Variants in GPRC5A observed in about 807,000 individuals in gnomAD.
GPRC5A encodes the protein retinoic acid-induced protein 3.
In GPRC5A, 19 loss-of-function variants were observed where a neutral mutation model predicts 22.5. The ratio of observed to expected loss-of-function variants is 0.85; its 90% CI spans 0.59 to 1.24. The LOEUF is 1.24. Among genes scored for constraint, GPRC5A ranks in the 50% most tolerant of loss-of-function variants. The probability of loss-of-function intolerance (pLI) is 0.00; values close to 1 mark genes in which losing one functional copy is unlikely to be tolerated. For synonymous variants in GPRC5A, 192 were observed against 184.5 expected (o/e 1.04, Z -0.33); for missense variants, 471 against 451.1 (o/e 1.04, Z -0.40).
chr12:12,900,923 A>AAAAAAAAAC lies in GPRC5A; in HGVS notation c.-7-7319_-7-7318insAAAAAAACA, dbSNP rs1555104732. 8.6e-4 allele frequency among the ~76,000 whole-genome samples: 95 copies of AAAAAAAAAC among 109,958 alleles called. 4 individuals carry two copies. The highest frequency in any genetic ancestry group is 1.2e-3 in the Non-Finnish European group (65 of 52,064). 72.1% of individuals were successfully genotyped at this position (109,958 alleles called of 152,430 possible). On this transcript the variant is annotated intron_variant, in intron 1 of 3. Coordinates refer to ENST00000014914, the MANE Select transcript of GPRC5A (RefSeq NM_003979.4). ...AAAAAAAAAAAAAAAACAAAAAAAAAACAACCCAGAAAAACCCAAAAAACA... is the reference window on the plus strand; with the variant it reads ...AAAAAAAAAAAAAAAACAAAAAAAAAAAAAAAAACACAACCCAGAAAAACCCAAAAAACA...
chr12:12,917,229 TGTGTGTGTGTGTGTGTGTGTGTGC>T lies in GPRC5A; in HGVS notation c.*4694_*4717del, dbSNP rs1337801136. On this transcript the variant is annotated 3_prime_UTR_variant, in exon 4 of 4. Coordinates refer to ENST00000014914, the MANE Select transcript of GPRC5A (RefSeq NM_003979.4). ...TGCTGGATCTGTGTGTGTGTGTGTG[TGTGTGTGTGTGTGTGTGTGTGTGC>T]GTGCGTGCGTGTATGTGCGCCTGAC... is the stretch of plus-strand genomic sequence containing the variant. The T allele has an allele frequency of 6.3e-4, 75 of 119,966 alleles. No homozygotes were observed. The highest frequency in any genetic ancestry group is 2.5e-3 in the African/African-American group (74 of 29,772). 7.4% of individuals were successfully genotyped at this position (119,966 alleles called of 1,614,324 possible). A position where few individuals can be genotyped will look rare whatever the true frequency, so the allele number is the denominator to read the frequency against.
chr12:12,905,383 T>G (rs560538900), intron 1 of GPRC5A, among the ~76,000 whole-genome samples: 43 of 152,282 alleles, frequency 2.8e-4, no homozygotes, highest in African/African-American at 1.0e-3. Flanking sequence ...TCTTTCCTGC[T>G]GCAACATAGT....
rs1452764913 is a variant in GPRC5A at position 12,903,043 on chromosome 12, G to A, written c.-7-5200G>A. ...TATCGCGCCATTGCACTCCAGCCTGGGCAACGGGAGTGAAACTCCGTCTCA... is the reference window on the plus strand; with the variant it reads ...TATCGCGCCATTGCACTCCAGCCTGAGCAACGGGAGTGAAACTCCGTCTCA... On this transcript the variant is annotated intron_variant, in intron 1 of 3. Transcript: ENST00000014914. Among the ~76,000 whole-genome samples the A allele has an allele frequency of 2.0e-5, 3 of 152,018 alleles. No homozygotes were observed. The East Asian group carries it at 5.8e-4, about 29-fold the overall frequency.
At chr12:12,905,939 TA>T (rs2136459938) in intron 1 of GPRC5A, among the ~76,000 whole-genome samples, 1 of 151,886 alleles carries the variant, frequency 6.6e-6, no homozygotes, top group South Asian at 2.1e-4. Context: ...GGGGCTGAAC[TA>T]GGAGAGTGGA....
Position 12,912,955 on chromosome 12 carries a change from G to A in GPRC5A, c.*416G>A, listed in dbSNP as rs561674825. On this transcript the variant is annotated 3_prime_UTR_variant, in exon 4 of 4. Transcript: ENST00000014914. ...TCCCATCTCCATCTCCCAAAGTGCT[G>A]GGATGACAGGCGTGAGCCACAGCTC... 67 of 165,150 alleles carry A rather than the reference G, an allele frequency of 4.1e-4. No homozygotes were observed. The highest frequency in any genetic ancestry group is 6.7e-4 in the Non-Finnish European group (51 of 76,640). The allele number at this position is 165,150 out of a possible 1,614,324, so 10.2% of individuals were successfully genotyped here. A position where few individuals can be genotyped will look rare whatever the true frequency, so the allele number is the denominator to read the frequency against.
At chr12:12,892,941 G>T (rs568768153) in intron 1 of GPRC5A, among the ~76,000 whole-genome samples, 1 of 152,314 alleles carries the variant, frequency 6.6e-6, no homozygotes, top group Non-Finnish European at 1.5e-5. Flanking sequence ...CTCCAGGTTT[G>T]CATGCCGGTG....
Position 12,908,422 on chromosome 12 carries a change from A to G in GPRC5A, c.173A>G (p.Asp58Gly), listed in dbSNP as rs137934368. The change falls in exon 2 of 4, where the codon GAC becomes GGC. Residue 58 changes from aspartate to glycine, a missense_variant. Coordinates refer to ENST00000014914, the MANE Select transcript of GPRC5A (RefSeq NM_003979.4). ...TLPILVCKVQ[D>G]SNRRKMLPTQ... ...CCGATCCTCGTCTGCAAGGTGCAGG[A>G]CTCCAACAGGCGAAAAATGCTGCCT... 289 of 1,613,888 alleles carry G rather than the reference A, an allele frequency of 1.8e-4. No individual in the cohort carries two copies. Among genetic ancestry groups the G allele is most frequent in the Middle Eastern group, 1.5e-3 (9 of 6,062 alleles).
Position 12,908,870 on chromosome 12 carries a change from G to A in GPRC5A, c.621G>A (p.Lys207=). 2 of 1,614,184 alleles carry A rather than the reference G, an allele frequency of 1.2e-6. No individual in the cohort carries two copies. The highest frequency in any genetic ancestry group is 1.1e-5 in the South Asian group (1 of 91,084). ...TCTGTGGTTCCTTCACGGGCTGGAA[G>A]AGACATGGGGCCCACATCTACCTCA... ...FTFCGSFTGW[K]RHGAHIYLTM... Residue 207 remains lysine, a synonymous_variant, in exon 2 of 4, where the codon AAG becomes AAA. Transcript: ENST00000014914.
Position 12,914,351 on chromosome 12 carries a change from T to TTTGGTTGGTA in GPRC5A, c.*1812_*1813insTTGGTTGGTA, listed in dbSNP as rs1864035973. ...GGTAGGCTTCGCGCTAAGATTAGCC[T>TTTGGTTGGTA]GGCTTTGTACTGAAAAGGGGGAAGG... On this transcript the variant is annotated 3_prime_UTR_variant, in exon 4 of 4. Coordinates refer to ENST00000014914, the MANE Select transcript of GPRC5A (RefSeq NM_003979.4). 1 of 152,600 alleles carries TTTGGTTGGTA rather than the reference T, an allele frequency of 6.6e-6. No homozygotes were observed. Among genetic ancestry groups the TTTGGTTGGTA allele is most frequent in the Non-Finnish European group, 1.5e-5 (1 of 68,044 alleles). 9.5% of individuals were successfully genotyped at this position (152,600 alleles called of 1,614,324 possible).
At position 12,909,039 on chromosome 12, in the gene GPRC5A, G is replaced by A. The variant is rs768886342; in HGVS notation, c.790G>A (p.Glu264Lys). The A allele has an allele frequency of 7.4e-6, 12 of 1,612,502 alleles. No homozygotes were observed. The highest frequency in any genetic ancestry group is 7.6e-6 in the Non-Finnish European group (9 of 1,180,010). ...WVFLLAYVSP[E>K]FWLLTKQRNP... ...GTTCCTGTTGGCTTATGTTAGTCCC[G>A]AGTTTTGGCTGCTCACAAAGCAACG... The change falls in exon 2 of 4, where the codon GAG (glutamate) becomes AAG (lysine). Residue 264 changes from glutamate (E) to lysine (K), a missense_variant. By Grantham distance (56) the Glu-to-Lys change is moderately conservative. Coordinates refer to ENST00000014914, the MANE Select transcript of GPRC5A (RefSeq NM_003979.4).
Position 12,908,459 on chromosome 12 carries a change from C to T in GPRC5A, c.210C>T (p.Leu70=). ...GAAAAATGCTGCCTACTCAGTTTCTCTTCCTCCTGGGTGTGTTGGGCATCT... is the reference window on the plus strand; with the variant it reads ...GAAAAATGCTGCCTACTCAGTTTCTTTTCCTCCTGGGTGTGTTGGGCATCT... The part of the protein sequence containing the change: ...NRRKMLPTQF[L]FLLGVLGIFG... The change falls in exon 2 of 4, where the codon CTC becomes CTT. Residue 70 remains leucine, a synonymous_variant. Transcript: ENST00000014914. 1 of 1,614,106 alleles carries T rather than the reference C, an allele frequency of 6.2e-7. No homozygotes were observed. The highest frequency in any genetic ancestry group is 8.5e-7 in the Non-Finnish European group (1 of 1,179,972).
At chr12:12,907,605 AC>A (rs955273240) in intron 1 of GPRC5A, among the ~76,000 whole-genome samples, 7 of 151,810 alleles carry the variant, frequency 4.6e-5, no homozygotes, top group African/African-American at 1.7e-4. Flanking sequence ...AATATCAGGA[AC>A]CCTGGCAGGT....
intron 1 of GPRC5A, among the ~76,000 whole-genome samples, chr12:12,894,958 T>C (rs1471612026): frequency 1.3e-5 from 2 of 151,884 alleles, no homozygotes; most frequent in East Asian, 3.9e-4. Context: ...TTTTGTATTT[T>C]TAGCAGAGAC....
In GPRC5A at chr12:12,913,563, T is replaced by C. The variant is rs1229709821; in HGVS notation, c.*1024T>C. 1.3e-5 allele frequency: 2 copies of C among 152,190 alleles called. No individual in the cohort carries two copies. Among genetic ancestry groups the C allele is most frequent in the Non-Finnish European group, 2.9e-5 (2 of 68,028 alleles). 9.4% of individuals were successfully genotyped at this position (152,190 alleles called of 1,614,324 possible). A position where few individuals can be genotyped will look rare whatever the true frequency, so the allele number is the denominator to read the frequency against. On this transcript the variant is annotated 3_prime_UTR_variant, in exon 4 of 4. Coordinates refer to ENST00000014914, the MANE Select transcript of GPRC5A (RefSeq NM_003979.4). ...GGCTGCATTCTGTAAGTGGGCATGG[T>C]CTCCTAATGGAGGAGTGTTCATTGT...
chr12:12,905,204 G>GT (rs1475802165), intron 1 of GPRC5A, among the ~76,000 whole-genome samples: 1 of 152,134 alleles, frequency 6.6e-6, no homozygotes, highest in Non-Finnish European at 1.5e-5. Context: ...TTTCCGAGCT[G>GT]TTTTTTCTGC....
intron 2 of GPRC5A, among the ~76,000 whole-genome samples, chr12:12,911,415 C>A (rs1025390360): frequency 2.0e-5 from 3 of 152,086 alleles, no homozygotes; most frequent in African/African-American, 7.2e-5. Flanking sequence ...ATAGGTAAAT[C>A]CCCAGTGAGA....
intron 1 of GPRC5A, among the ~76,000 whole-genome samples, chr12:12,905,863 A>T (rs1863936776): frequency 6.6e-6 from 1 of 152,196 alleles, no homozygotes; most frequent in Non-Finnish European, 1.5e-5. Flanking sequence ...CTTCCTGATT[A>T]TCCGAATGAG....
chr12:12,900,669 G>A (rs760639480), intron 1 of GPRC5A, among the ~76,000 whole-genome samples: 3 of 151,760 alleles, frequency 2.0e-5, no homozygotes, highest in Non-Finnish European at 2.9e-5. Flanking sequence ...AGGCCGAGGC[G>A]GGCCTGAGGT....
At chr12:12,903,524 C>T (rs1469635896) in intron 1 of GPRC5A, among the ~76,000 whole-genome samples, 3 of 152,278 alleles carry the variant, frequency 2.0e-5, no homozygotes, top group Admixed American at 1.3e-4. Context: ...TGGGCTCAAA[C>T]GATCAGCCCG....
Sources: gnomAD v4.1 joint callset for allele counts (sites outside exome capture counted in the v4.1 genomes callset) on GRCh38, gnomAD v4.1.1 for gene constraint, MANE v1.5 for transcripts, NCBI Gene and HGNC (gene_info 2026-07-23, HGNC 2026-07-21) for gene names.